The following EVC2 variants were observed in gnomAD, a reference collection of about 807,000 sequenced individuals.
EVC2 encodes the protein EvC ciliary complex subunit 2.
EVC2 carries 148 observed loss-of-function variants against 149.3 expected under a neutral mutation model. The ratio of observed to expected loss-of-function variants is 0.99; its 90% CI spans 0.87 to 1.14. EVC2 has a LOEUF of 1.14. Among genes scored for constraint, EVC2 ranks in the 50% most tolerant of loss-of-function variants. The probability of loss-of-function intolerance (pLI) is 0.00; values close to 1 mark genes in which losing one functional copy is unlikely to be tolerated. For missense variants in EVC2, 1,854 were observed against 1,627.3 expected, an observed-to-expected ratio of 1.14 and a Z score of -2.40; for synonymous variants, 776 against 649.9, an observed-to-expected ratio of 1.19 and a Z score of -2.95.
intron 21 of EVC2, among the ~76,000 whole-genome samples, chr4:5,548,561 CAG>C (rs1721666880): frequency 6.6e-6 from 1 of 151,994 alleles, no homozygotes; most frequent in African/African-American, 2.4e-5. Context: ...TTATCTGATG[CAG>C]AGAGTGTCTG....
chr4:5,700,198 G>A (rs1446577115), intron 1 of EVC2, among the ~76,000 whole-genome samples: 1 of 152,148 alleles, frequency 6.6e-6, no homozygotes, highest in African/African-American at 2.4e-5. Flanking sequence ...TATGTGTGTG[G>A]GCAGAGGAGG....
chr4:5,708,042 C>G (rs1722329140), intron 1 of EVC2: 1 of 407,102 alleles, frequency 2.5e-6, no homozygotes, highest in Non-Finnish European at 4.3e-6. Context: ...GAGCAGGATT[C>G]GAACCAGGGT....
chr4:5,609,651 G>T (rs1714671829), intron 16 of EVC2, among the ~76,000 whole-genome samples: 1 of 152,174 alleles, frequency 6.6e-6, no homozygotes, highest in Admixed American at 6.5e-5. Context: ...GTAACTAGTG[G>T]GCTATCACTG....
chr4:5,623,770 CAAGCTGAGTGACCCA>C (rs1715909033), intron 13 of EVC2, among the ~76,000 whole-genome samples: 1 of 152,212 alleles, frequency 6.6e-6, no homozygotes, highest in African/African-American at 2.4e-5. Flanking sequence ...CCTCTACTCA[CAAGCTGAGTGACCCA>C]AAGCAGGTAT....
chr4:5,708,111 C>G (rs947757079), intron 1 of EVC2, 175 bp downstream of exon 1: 3 of 520,350 alleles, frequency 5.8e-6, no homozygotes, highest in Middle Eastern at 3.2e-4. Flanking sequence ...CAGTTTCCCT[C>G]GAAGCTTTCT....
chr4:5,670,472 T>C lies in EVC2; in HGVS notation c.871-4823A>G, dbSNP rs958103100. 2.6e-5 allele frequency among the ~76,000 whole-genome samples: 4 copies of C among 151,596 alleles called. No individual in the cohort carries two copies. Among genetic ancestry groups the C allele is most frequent in the African/African-American group, 9.7e-5 (4 of 41,200 alleles). On this transcript the variant is annotated intron_variant, in intron 7 of 21. Transcript: ENST00000344408. The surrounding 1 kb of genome is among the most constrained non-coding windows in gnomAD (Gnocchi z 5.2). Reference sequence around the variant, plus strand: ...AGCAGGATCACCATCAAATTCATCATCACCATCCCCACCATCACCATCACC... The same window carrying C: ...AGCAGGATCACCATCAAATTCATCACCACCATCCCCACCATCACCATCACC...
chr4:5,624,812 T>C (rs1715982303), intron 13 of EVC2, among the ~76,000 whole-genome samples: 1 of 152,180 alleles, frequency 6.6e-6, no homozygotes, highest in Non-Finnish European at 1.5e-5. Context: ...GGTCCCAAAC[T>C]TGGTAGTAAA....
intron 3 of EVC2, among the ~76,000 whole-genome samples, chr4:5,694,087 A>C (rs765492947): frequency 6.6e-6 from 1 of 152,218 alleles, no homozygotes; most frequent in Non-Finnish European, 1.5e-5. Context: ...CCTGCTTCAG[A>C]AACACCAGAT....
intron 7 of EVC2, among the ~76,000 whole-genome samples, chr4:5,672,886 G>A (rs1202891565): frequency 2.0e-5 from 3 of 152,182 alleles, no homozygotes; most frequent in African/African-American, 4.8e-5. Context: ...AGTGAAAGAC[G>A]CCAGACACAA....
intron 7 of EVC2, 131 bp from the exon 8 acceptor site, chr4:5,665,780 GCC>G: frequency 7.1e-7 from 1 of 1,417,754 alleles, no homozygotes; most frequent in Non-Finnish European, 9.7e-7. Context: ...GTCTCGCTCT[GCC>G]AGCTACCAGC....
rs560396575 is a variant in EVC2 at position 5,613,047 on chromosome 4, G to A, written c.2829+2375C>T. 1.2e-4 allele frequency among the ~76,000 whole-genome samples: 19 copies of A among 152,184 alleles called. No homozygotes were observed. Among genetic ancestry groups the A allele is most frequent in the South Asian group, 4.1e-4 (2 of 4,820 alleles). ...CAGCCTTGAGCCACTGGGTGGGAGC[G>A]GTGCGGTCTGCACCTGATGTCCCCA... On this transcript the variant is annotated intron_variant, in intron 16 of 21. Transcript: ENST00000344408. The surrounding 1 kb of genome is among the most constrained non-coding windows in gnomAD (Gnocchi z 4.6).
intron 12 of EVC2, 65 bp downstream of exon 12, chr4:5,628,494 T>C: frequency 1.9e-6 from 3 of 1,588,194 alleles, no homozygotes; most frequent in Non-Finnish European, 2.6e-6. Context: ...GTCTGTGGTA[T>C]TCTGTCATAG....
intron 9 of EVC2, among the ~76,000 whole-genome samples, chr4:5,654,988 C>T (rs1252106743): frequency 2.0e-5 from 3 of 152,214 alleles, no homozygotes; most frequent in Non-Finnish European, 4.4e-5. Flanking sequence ...TCCTCCCCGG[C>T]ACCCAGCCTA....
At chr4:5,644,909 T>G (rs186055661) in intron 9 of EVC2, among the ~76,000 whole-genome samples, 18 of 152,346 alleles carry the variant, frequency 1.2e-4, no homozygotes, top group Non-Finnish European at 2.1e-4. Flanking sequence ...TTATACCATA[T>G]TTTCTTTATT....
chr4:5,640,387 T>G lies in EVC2; in HGVS notation c.1470+127A>C, dbSNP rs760101066. The G allele has an allele frequency of 2.3e-5, 24 of 1,055,276 alleles. No homozygotes were observed. Among genetic ancestry groups the G allele is most frequent in the Non-Finnish European group, 3.5e-5 (24 of 676,816 alleles). The allele number at this position is 1,055,276 out of a possible 1,614,324, so 65.4% of individuals were successfully genotyped here. On this transcript the variant is annotated intron_variant, in intron 10 of 21. Transcript: ENST00000344408. The surrounding 1 kb of genome is among the most constrained non-coding windows in gnomAD (Gnocchi z 4.6). ...ATGGAAGGATGAATAGATGAATGAGTGGGTGGTTGGATGGATGATGGGTAG... is the reference window on the plus strand; with the variant it reads ...ATGGAAGGATGAATAGATGAATGAGGGGGTGGTTGGATGGATGATGGGTAG...
At chr4:5,643,651 T>G (rs1369355576) in intron 9 of EVC2, among the ~76,000 whole-genome samples, 8 of 152,228 alleles carry the variant, frequency 5.3e-5, no homozygotes, top group Non-Finnish European at 1.0e-4. Context: ...CTGGGTGCAG[T>G]GGCTCACACC....
chr4:5,687,802 G>C (rs887120495), intron 5 of EVC2, among the ~76,000 whole-genome samples: 4 of 152,124 alleles, frequency 2.6e-5, no homozygotes, highest in Non-Finnish European at 4.4e-5. Flanking sequence ...AGACGTGCAG[G>C]ACCACGGGCT....
intron 11 of EVC2, among the ~76,000 whole-genome samples, chr4:5,631,562 T>C (rs545541640): frequency 1.1e-3 from 143 of 133,218 alleles, no homozygotes; most frequent in African/African-American, 3.9e-3. Flanking sequence ...GTTCACGCAG[T>C]AGACTGGGGG....
At chr4:5,704,230 A>T (rs777616457) in intron 1 of EVC2, among the ~76,000 whole-genome samples, 8 of 152,212 alleles carry the variant, frequency 5.3e-5, no homozygotes, top group Non-Finnish European at 8.8e-5. Context: ...GGCAATTCAG[A>T]TGAAGATGGT....
Sources: gnomAD v4.1 joint callset for allele counts (sites outside exome capture counted in the v4.1 genomes callset) on GRCh38, gnomAD v4.1.1 for gene constraint, Gnocchi (gnomAD v3.1) non-coding constraint, MANE v1.5 for transcripts, NCBI Gene and HGNC (gene_info 2026-07-23, HGNC 2026-07-21) for gene names.